Variants in RAD9B observed in about 807,000 individuals in gnomAD.
RAD9B encodes the protein RAD9 checkpoint clamp component B, also known as cell cycle checkpoint control protein RAD9B.
A neutral mutation model predicts 48.3 loss-of-function variants in RAD9B; 41 were observed. The observed-to-expected ratio is 0.85, with a 90% CI of 0.66 to 1.10. The LOEUF (loss-of-function observed/expected upper bound fraction) is 1.10, where lower values mean the gene tolerates loss of function less well. Among genes scored for constraint, RAD9B ranks in the 50% least tolerant of loss-of-function variants. The pLI is 0.00. For missense variants in RAD9B, 444 were observed against 485.1 expected, an observed-to-expected ratio of 0.92 and a Z score of 0.80; for synonymous variants, 160 against 157.9, an observed-to-expected ratio of 1.01 and a Z score of -0.10.
intron 10 of RAD9B, among the ~76,000 whole-genome samples, chr12:110,526,336 G>A (rs1013642356): frequency 6.6e-6 from 1 of 152,186 alleles, no homozygotes; most frequent in Non-Finnish European, 1.5e-5. Context: ...ACATGGAGAA[G>A]GGCCCCATTA....
chr12:110,518,276 T>A (rs2063671064), intron 6 of RAD9B, among the ~76,000 whole-genome samples: 1 of 151,726 alleles, frequency 6.6e-6, no homozygotes, highest in Non-Finnish European at 1.5e-5. Context: ...AGGCAGAGGA[T>A]CACTTGAGCC....
At chr12:110,522,139 T>TA in intron 9 of RAD9B, 38 bp from the exon 10 acceptor site, 1 of 1,309,906 alleles carries the variant, frequency 7.6e-7, no homozygotes, top group South Asian at 1.3e-5. Context: ...TATTTCACAA[T>TA]AAACAGTTCA....
chr12:110,513,761 T>C (rs928242228), intron 5 of RAD9B, among the ~76,000 whole-genome samples: 27 of 150,924 alleles, frequency 1.8e-4, no homozygotes, highest in African/African-American at 6.6e-4. Context: ...TCTCCCTCTG[T>C]TGCTCAGGCT....
At chr12:110,508,424 GCTTA>G (rs2063357754) in intron 4 of RAD9B, among the ~76,000 whole-genome samples, 1 of 152,122 alleles carries the variant, frequency 6.6e-6, no homozygotes, top group Non-Finnish European at 1.5e-5. Flanking sequence ...CTCTCAAGTA[GCTTA>G]CTTGAGTCAT....
At chr12:110,503,950 T>C (rs2063181881) in intron 2 of RAD9B, 74 bp downstream of exon 2, 2 of 838,612 alleles carry the variant, frequency 2.4e-6, no homozygotes. Context: ...AGATTGAATG[T>C]TAACTAGGAA....
At chr12:110,505,480 T>G (rs2063235607) in intron 2 of RAD9B, 137 bp from the exon 3 acceptor site, 1 of 548,930 alleles carries the variant, frequency 1.8e-6, no homozygotes, top group South Asian at 5.0e-5. Flanking sequence ...GGGGTCTTGC[T>G]CTGTTGGCCA....
chr12:110,504,861 G>C (rs2063213190), intron 2 of RAD9B, among the ~76,000 whole-genome samples: 1 of 151,986 alleles, frequency 6.6e-6, no homozygotes, highest in Non-Finnish European at 1.5e-5. Flanking sequence ...AAATTAGTCG[G>C]GTGATATGTT....
intron 6 of RAD9B, among the ~76,000 whole-genome samples, chr12:110,516,719 G>A (rs1460878473): frequency 2.0e-5 from 3 of 151,598 alleles, no homozygotes; most frequent in Admixed American, 6.6e-5. Flanking sequence ...CTGAGACAGG[G>A]GATTAATCAC....
intron 3 of RAD9B, 65 bp downstream of exon 3, chr12:110,505,837 T>C: frequency 7.9e-7 from 1 of 1,270,594 alleles, no homozygotes; most frequent in Non-Finnish European, 1.1e-6. Flanking sequence ...GGACATAACC[T>C]GTATTCTATA....
chr12:110,504,421 C>T (rs1055079287), intron 2 of RAD9B, among the ~76,000 whole-genome samples: 1 of 147,414 alleles, frequency 6.8e-6, no homozygotes, highest in Non-Finnish European at 1.5e-5. Flanking sequence ...GTGAGTGAGC[C>T]GACATGGTGC....
In RAD9B at chr12:110,506,719, A is replaced by C; in HGVS notation, c.388+26A>C. On this transcript the variant is annotated intron_variant, in intron 4 of 10. Coordinates refer to ENST00000409300, the MANE Select transcript of RAD9B (RefSeq NM_001286535.2). ...GTAGGTATAATTAAAAGTGGTTTAAAATACTATGTTTTTTTCTCAATAGTT... is the reference window on the plus strand; with the variant it reads ...GTAGGTATAATTAAAAGTGGTTTAACATACTATGTTTTTTTCTCAATAGTT... The C allele has an allele frequency of 5.4e-6, 6 of 1,102,272 alleles. No individual in the cohort carries two copies. The South Asian group carries it at 7.9e-5, about 15-fold the overall frequency. 68.3% of individuals were successfully genotyped at this position (1,102,272 alleles called of 1,614,324 possible). A position where few individuals can be genotyped will look rare whatever the true frequency, so the allele number is the denominator to read the frequency against.
intron 6 of RAD9B, among the ~76,000 whole-genome samples, chr12:110,517,010 T>A (rs1028925434): frequency 7.2e-5 from 11 of 151,964 alleles, no homozygotes; most frequent in Non-Finnish European, 1.5e-4. Context: ...AACAGGAGAT[T>A]GAGTGAAGAT....
At chr12:110,502,647 T>C (rs2063118078) in intron 1 of RAD9B, 1 of 500,656 alleles carries the variant, frequency 2.0e-6, no homozygotes, top group Admixed American at 3.5e-5. Flanking sequence ...CTCGGGATGC[T>C]GAGGACTGCA....
At chr12:110,522,080 C>T (rs1160229616) in intron 9 of RAD9B, 97 bp from the exon 10 acceptor site, 1 of 753,016 alleles carries the variant, frequency 1.3e-6, no homozygotes, top group Non-Finnish European at 2.2e-6. Context: ...ATTCCCTAAT[C>T]CAGTGCTATC....
rs1013515292 is a variant in RAD9B at position 110,505,722 on chromosome 12, G to T, written c.223G>T (p.Glu75Ter). 3.1e-6 allele frequency: 5 copies of T among 1,610,562 alleles called. No individual in the cohort carries two copies. Among genetic ancestry groups the T allele is most frequent in the Non-Finnish European group, 4.2e-6 (5 of 1,178,348 alleles). ...YQWSALVKMS[E>*]NELDTTLHLK... ...ATGGTCAGCTTTAGTGAAAATGAGT[G>T]AAAATGAACTTGACACAACACTGCA... The change falls in exon 3 of 11, where the codon GAA (glutamate) becomes TAA (stop). Residue 75 changes from glutamate to a stop codon, truncating the protein, a stop_gained. Transcript: ENST00000409300. LOFTEE classifies it high-confidence loss of function.
At chr12:110,525,527 T>C (rs1377262565) in intron 10 of RAD9B, among the ~76,000 whole-genome samples, 2 of 152,202 alleles carry the variant, frequency 1.3e-5, no homozygotes, top group African/African-American at 4.8e-5. Context: ...TTGGTAAGAA[T>C]TCAACAGAGT....
chr12:110,518,915 C>T lies in RAD9B; in HGVS notation c.744C>T (p.Ser248=). 1 of 1,570,438 alleles carries T rather than the reference C, an allele frequency of 6.4e-7. No individual in the cohort carries two copies. Among genetic ancestry groups the T allele is most frequent in the South Asian group, 1.2e-5 (1 of 83,724 alleles). ...TFSEATHAPI[S]IYFDFPGKPL... Reference sequence around the variant, plus strand: ...CAGAAGCTACACATGCTCCTATATCCATTTATTTTGATTTCCCTGGGAAGT... The same window carrying T: ...CAGAAGCTACACATGCTCCTATATCTATTTATTTTGATTTCCCTGGGAAGT... Residue 248 remains serine, a synonymous_variant, in exon 8 of 11, where the codon TCC becomes TCT. Transcript: ENST00000409300.
intron 10 of RAD9B, among the ~76,000 whole-genome samples, chr12:110,522,877 T>C (rs1316581309): frequency 6.6e-6 from 1 of 152,208 alleles, no homozygotes; most frequent in African/African-American, 2.4e-5. Context: ...TCCTTCATAG[T>C]GGAGTCCCAG....
At chr12:110,506,338 G>T (rs1179352963) in intron 3 of RAD9B, among the ~76,000 whole-genome samples, 2 of 151,946 alleles carry the variant, frequency 1.3e-5, no homozygotes, top group African/African-American at 4.8e-5. Context: ...ACAGGCGCCC[G>T]CCACTACGCC....
Sources: allele counts gnomAD v4.1 joint callset (sites outside exome capture counted in the v4.1 genomes callset), GRCh38; gene constraint gnomAD v4.1.1; transcripts MANE v1.5; gene names NCBI Gene and HGNC (gene_info 2026-07-23, HGNC 2026-07-21).